Variants in FARP1 observed in about 807,000 individuals in gnomAD.
FARP1 encodes FERM, ARH/RhoGEF and pleckstrin domain protein 1, also known as FERM, ARHGEF and pleckstrin domain-containing protein 1.
A neutral mutation model predicts 128.8 loss-of-function variants in FARP1; 52 were observed. The ratio of observed to expected loss-of-function variants is 0.40; its 90% confidence interval spans 0.32 to 0.51. The LOEUF (loss-of-function observed/expected upper bound fraction) is 0.51. FARP1 is among the 20% of genes least tolerant of loss of function. The pLI is 0.45. For synonymous variants in FARP1, 580 were observed against 551.8 expected (o/e 1.05, Z -0.72); for missense variants, 1,333 against 1,367.9 (o/e 0.97, Z 0.40).
intron 1 of FARP1, among the ~76,000 whole-genome samples, chr13:98,158,408 G>A (rs1187945906): frequency 1.3e-5 from 2 of 152,178 alleles, no homozygotes; most frequent in Non-Finnish European, 2.9e-5. Context: ...TTATTCCAGT[G>A]TGTCAAAGGC....
intron 2 of FARP1, among the ~76,000 whole-genome samples, chr13:98,214,410 A>G (rs1880935900): frequency 6.6e-6 from 1 of 152,022 alleles, no homozygotes; most frequent in African/African-American, 2.4e-5. Flanking sequence ...TTTGTGGAGG[A>G]GGAAGATAAC....
intron 19 of FARP1, chr13:98,437,839 G>A (rs759659060): frequency 5.6e-6 from 9 of 1,597,378 alleles, no homozygotes; most frequent in Non-Finnish European, 7.6e-6. Context: ...CCAGAGAGGA[G>A]GCCATTGTTA....
At chr13:98,310,010 C>T (rs939888561) in intron 2 of FARP1, among the ~76,000 whole-genome samples, 3 of 150,476 alleles carry the variant, frequency 2.0e-5, no homozygotes, top group Non-Finnish European at 4.5e-5. Context: ...CTGGTTTTTA[C>T]GCCGATGGGA....
chr13:98,212,520 G>A (rs998934482), intron 1 of FARP1, among the ~76,000 whole-genome samples: 4 of 151,094 alleles, frequency 2.6e-5, no homozygotes, highest in Non-Finnish European at 5.9e-5. Context: ...GACAAGAGTA[G>A]ACTATCTGGG....
At chr13:98,376,676 G>GT (rs1889596908) in intron 5 of FARP1, among the ~76,000 whole-genome samples, 2 of 148,894 alleles carry the variant, frequency 1.3e-5, no homozygotes, top group Admixed American at 1.3e-4. Flanking sequence ...TCTATTTTTA[G>GT]TTTTTTCAGG....
intron 13 of FARP1, among the ~76,000 whole-genome samples, chr13:98,408,517 C>T (rs1466575227): frequency 6.6e-6 from 1 of 151,680 alleles, no homozygotes; most frequent in South Asian, 2.1e-4. Flanking sequence ...TTGGTAGAGA[C>T]GGGGTTTCAT....
At position 98,177,385 on chromosome 13, in the gene FARP1, T is replaced by C. The variant is rs1878165147; in HGVS notation, c.-24+33893T>C. On this transcript the variant is annotated intron_variant, in intron 1 of 26. Coordinates refer to ENST00000319562, the MANE Select transcript of FARP1 (RefSeq NM_005766.4). The stretch of plus-strand genomic sequence containing the variant: ...TGCTAGGCCAGGCGCGGTGACTCAC[T>C]CTTGTAATCCCGGGACACTGGGAGG... 13 of 595,238 alleles carry C rather than the reference T, an allele frequency of 2.2e-5. No homozygotes were observed. In the South Asian group the frequency reaches 3.5e-4, roughly 16 times the overall value. The allele number at this position is 595,238 out of a possible 1,614,324, so 36.9% of individuals were successfully genotyped here.
intron 21 of FARP1, 138 bp from the exon 22 acceptor site, chr13:98,439,823 C>T: frequency 3.2e-6 from 2 of 634,246 alleles, no homozygotes; most frequent in South Asian, 4.7e-5. Flanking sequence ...AGAGTGCCTT[C>T]TCCCTCTGTG....
In FARP1 at chr13:98,453,198, C is replaced by T. The variant is rs1594563504; in HGVS notation, c.*4881C>T. On this transcript the variant is annotated 3_prime_UTR_variant, in exon 27 of 27. Coordinates refer to ENST00000319562, the MANE Select transcript of FARP1 (RefSeq NM_005766.4). ...TCAGTGGGATGAAGTTCCTCCACCA[C>T]TTAGAGAGTATCTAGGGAAAAAGAG... The T allele has an allele frequency of 2.5e-6, 4 of 1,613,522 alleles. No individual in the cohort carries two copies. The highest frequency in any genetic ancestry group is 8.5e-7 in the Non-Finnish European group (1 of 1,179,786).
intron 2 of FARP1, among the ~76,000 whole-genome samples, chr13:98,262,182 ATTT>A (rs34133279): frequency 2.1e-5 from 3 of 140,804 alleles, no homozygotes; most frequent in African/African-American, 5.3e-5. Flanking sequence ...CGCCCTGCTA[ATTT>A]TTTTTTTTTT....
Position 98,176,740 on chromosome 13 carries a change from T to TTAC in FARP1, c.-24+33249_-24+33250insACT. 6.2e-7 allele frequency: 1 copy of TTAC among 1,613,570 alleles called. No homozygotes were observed. The highest frequency in any genetic ancestry group is 1.1e-5 in the South Asian group (1 of 91,050). On this transcript the variant is annotated intron_variant, in intron 1 of 26. Coordinates refer to ENST00000319562, the MANE Select transcript of FARP1 (RefSeq NM_005766.4). The surrounding 1 kb of genome is among the most constrained non-coding windows in gnomAD (Gnocchi z 6.2). ...CTTCCTCGCCATCCCCGAGGAGGAGTTGCCCATGGACGTGTCCTTGGGCTT... is the reference window on the plus strand; with the variant it reads ...CTTCCTCGCCATCCCCGAGGAGGAGTTACTGCCCATGGACGTGTCCTTGGGCTT...
At chr13:98,318,663 C>T (rs1273698583) in intron 2 of FARP1, among the ~76,000 whole-genome samples, 5 of 152,180 alleles carry the variant, frequency 3.3e-5, no homozygotes, top group East Asian at 1.9e-4. Context: ...CCTTGCATGG[C>T]GCCAGGTTGG....
chr13:98,430,239 G>A (rs1055760501), intron 17 of FARP1, among the ~76,000 whole-genome samples: 8 of 152,172 alleles, frequency 5.3e-5, no homozygotes, highest in Non-Finnish European at 7.3e-5. Context: ...GCAATAGAGC[G>A]AGACCCTGTC....
intron 2 of FARP1, among the ~76,000 whole-genome samples, chr13:98,296,331 G>A (rs1251886111): frequency 2.0e-5 from 3 of 151,928 alleles, no homozygotes; most frequent in Admixed American, 6.6e-5. Flanking sequence ...CAGCACATGC[G>A]CACACTCTCC....
chr13:98,318,077 T>C (rs1304530785), intron 2 of FARP1, among the ~76,000 whole-genome samples: 1 of 148,260 alleles, frequency 6.7e-6, no homozygotes, highest in Non-Finnish European at 1.5e-5. Context: ...CCTTTTTTTT[T>C]TTTTTTTTTT....
chr13:98,208,309 TGGGGAGAA>T (rs1880420859), intron 1 of FARP1, among the ~76,000 whole-genome samples: 1 of 121,150 alleles, frequency 8.3e-6, no homozygotes, highest in Non-Finnish European at 1.6e-5. Flanking sequence ...CCATCTCTAC[TGGGGAGAA>T]AAAAAAAAAA....
At chr13:98,437,386 G>A (rs1207962365) in intron 19 of FARP1, among the ~76,000 whole-genome samples, 1 of 152,172 alleles carries the variant, frequency 6.6e-6, no homozygotes, top group African/African-American at 2.4e-5. Flanking sequence ...TGGTGGTGCA[G>A]GCGGTAAGAA....
At chr13:98,153,254 A>C (rs972325231) in intron 1 of FARP1, among the ~76,000 whole-genome samples, 2 of 137,442 alleles carry the variant, frequency 1.5e-5, no homozygotes, top group Admixed American at 8.3e-5. Flanking sequence ...AGAAAAGTTA[A>C]GTGATGTAAT....
intron 13 of FARP1, chr13:98,398,339 C>G (rs1162986182): frequency 1.3e-5 from 2 of 152,130 alleles, no homozygotes; most frequent in African/African-American, 4.8e-5. Flanking sequence ...TATATTTAAC[C>G]AGAATCACAG....
Sources: gnomAD v4.1 joint callset for allele counts (sites outside exome capture counted in the v4.1 genomes callset) on GRCh38, gnomAD v4.1.1 for gene constraint, Gnocchi (gnomAD v3.1) non-coding constraint, MANE v1.5 for transcripts, NCBI Gene and HGNC (gene_info 2026-07-23, HGNC 2026-07-21) for gene names.